AUH: variants seen among roughly 807,000 people sequenced by gnomAD.
AUH encodes the protein methylglutaconyl-CoA hydratase, mitochondrial.
In AUH, 29 loss-of-function variants were observed where a neutral mutation model predicts 42.3. The ratio of observed to expected loss-of-function variants is 0.69; its 90% CI spans 0.51 to 0.93. The LOEUF is 0.93. AUH is among the 40% of genes least tolerant of loss of function. The pLI, the probability that AUH is intolerant of heterozygous loss-of-function variation, is 0.00. For synonymous variants in AUH, 174 were observed against 166.4 expected, an observed-to-expected ratio of 1.05 and a Z score of -0.35; for missense variants, 452 against 438.1, an observed-to-expected ratio of 1.03 and a Z score of -0.28.
Position 91,216,103 on chromosome 9 carries a change from C to T in AUH, c.898G>A (p.Asp300Asn), listed in dbSNP as rs746215620. Residue 300 changes from aspartate to asparagine, a missense_variant, in exon 9 of 10, where the codon GAT becomes AAT. Physicochemically the swap from Asp to Asn is conservative, Grantham distance 23 (BLOSUM62 1). Coordinates refer to ENST00000375731, the MANE Select transcript of AUH (RefSeq NM_001698.3). The part of the protein sequence containing the change: ...KLAINQGMEV[D>N]LVTGLAIEEA... Reference sequence around the variant, plus strand: ...TCTATGGCTAACCCTGTTACTAAATCGACCTGAGAATAAAAACATAATCCA... The same window carrying T: ...TCTATGGCTAACCCTGTTACTAAATTGACCTGAGAATAAAAACATAATCCA... 2.3e-5 allele frequency: 37 copies of T among 1,612,516 alleles called. No homozygotes were observed. In the East Asian group the frequency reaches 3.6e-4, roughly 16 times the overall value.
At chr9:91,341,854 A>C (rs1231965344) in intron 3 of AUH, among the ~76,000 whole-genome samples, 1 of 152,224 alleles carries the variant, frequency 6.6e-6, no homozygotes, top group Non-Finnish European at 1.5e-5. Context: ...GGAAGCAGGG[A>C]GACCTGCTTT....
At chr9:91,337,361 T>C (rs117646285) in intron 3 of AUH, among the ~76,000 whole-genome samples, 4,079 of 152,316 alleles carry the variant, frequency 0.027, 77 homozygotes, top group South Asian at 0.072. Context: ...TATTTCCTGA[T>C]GGCAGCCTTT....
rs780463864 is a variant in AUH, at chr9:91,220,788, C to T, written c.843+17G>A. ...TTCCTAAAATGAGAAAAAATAAACT[C>T]ATTTAATGAGAAATACCTGAGGTAA... On this transcript the variant is annotated intron_variant, in intron 7 of 9. Transcript: ENST00000375731. 5 of 1,613,322 alleles carry T rather than the reference C, an allele frequency of 3.1e-6. No individual in the cohort carries two copies. The highest frequency in any genetic ancestry group is 1.3e-5 in the African/African-American group (1 of 74,932).
intron 6 of AUH, among the ~76,000 whole-genome samples, chr9:91,227,893 G>A (rs1357475629): frequency 1.3e-5 from 2 of 151,534 alleles, no homozygotes; most frequent in Admixed American, 6.6e-5. Context: ...TTGCATCCCA[G>A]GGATGAAGCC....
At chr9:91,281,607 C>T (rs986563222) in intron 6 of AUH, among the ~76,000 whole-genome samples, 3 of 152,206 alleles carry the variant, frequency 2.0e-5, no homozygotes, top group Admixed American at 1.3e-4. Flanking sequence ...TTGATTGTCA[C>T]TTCCCAACTT....
In AUH at chr9:91,254,934, AT is replaced by A. The variant is rs1829329859; in HGVS notation, c.656-33943del. The stretch of plus-strand genomic sequence containing the variant: ...TGACATAAAACTAAGAGACAATGGA[AT>A]AATTCCTACCCCAGGACCTGGTATA... On this transcript the variant is annotated intron_variant, in intron 6 of 9. Coordinates refer to ENST00000375731, the MANE Select transcript of AUH (RefSeq NM_001698.3). Among the ~76,000 whole-genome samples the A allele has an allele frequency of 5.3e-5, 8 of 152,340 alleles. No individual in the cohort carries two copies. In the South Asian group the frequency reaches 1.4e-3, roughly 28 times the overall value.
At chr9:91,311,814 T>A (rs945132852) in intron 4 of AUH, among the ~76,000 whole-genome samples, 1 of 152,208 alleles carries the variant, frequency 6.6e-6, no homozygotes, top group East Asian at 1.9e-4. Context: ...AAACAACAGC[T>A]GTTAATAGAT....
At chr9:91,256,747 G>A (rs1829424092) in intron 6 of AUH, among the ~76,000 whole-genome samples, 1 of 152,026 alleles carries the variant, frequency 6.6e-6, no homozygotes, top group South Asian at 2.1e-4. Flanking sequence ...GGAGTGGGTA[G>A]GGAGGAGAAC....
intron 3 of AUH, among the ~76,000 whole-genome samples, chr9:91,345,494 C>G (rs971523529): frequency 1.3e-5 from 2 of 152,084 alleles, no homozygotes; most frequent in Non-Finnish European, 2.9e-5. Flanking sequence ...CCAAACATGT[C>G]TAAGACCTGA....
chr9:91,300,723 C>T (rs1827718683), intron 4 of AUH, among the ~76,000 whole-genome samples: 1 of 152,210 alleles, frequency 6.6e-6, no homozygotes, highest in African/African-American at 2.4e-5. Context: ...TGCACACCTG[C>T]CTAATCTCTT....
At chr9:91,233,426 C>A (rs566135903) in intron 6 of AUH, among the ~76,000 whole-genome samples, 1 of 152,218 alleles carries the variant, frequency 6.6e-6, no homozygotes, top group African/African-American at 2.4e-5. Context: ...CCAAAAGGAC[C>A]TGGGGTTTAC....
At chr9:91,259,932 A>AGGTGTAT (rs1829621390) in intron 6 of AUH, among the ~76,000 whole-genome samples, 2 of 152,172 alleles carry the variant, frequency 1.3e-5, no homozygotes, top group African/African-American at 4.8e-5. Context: ...GTTTCCTAAT[A>AGGTGTAT]CACCTAAAGT....
intron 6 of AUH, among the ~76,000 whole-genome samples, chr9:91,230,883 G>A (rs1320467974): frequency 6.6e-6 from 1 of 152,194 alleles, no homozygotes; most frequent in African/African-American, 2.4e-5. Flanking sequence ...AGGGGTCACG[G>A]ACCCACTTGA....
chr9:91,324,537 T>A (rs1182038462), intron 4 of AUH, among the ~76,000 whole-genome samples: 50 of 111,736 alleles, frequency 4.5e-4, no homozygotes, highest in East Asian at 2.2e-3. Context: ...AAAAAAAAAC[T>A]AAAACCAAAT....
chr9:91,216,155 G>A (rs1826807571), intron 8 of AUH, 49 bp from the exon 9 acceptor site: 1 of 1,543,002 alleles, frequency 6.5e-7, no homozygotes. Context: ...TTTGCGAAAT[G>A]TGGTATATTC....
chr9:91,338,019 C>G (rs536653706), intron 3 of AUH, among the ~76,000 whole-genome samples: 2 of 152,256 alleles, frequency 1.3e-5, no homozygotes, highest in East Asian at 1.9e-4. Context: ...CATCCAGAAC[C>G]TGCACCCACC....
intron 3 of AUH, among the ~76,000 whole-genome samples, chr9:91,328,631 G>A (rs898127687): frequency 5.9e-5 from 9 of 152,086 alleles, no homozygotes; most frequent in Admixed American, 3.9e-4. Context: ...CCAAGATCTC[G>A]GAGAAAAAGG....
chr9:91,324,462 C>T (rs1829818880), intron 4 of AUH, among the ~76,000 whole-genome samples: 1 of 149,448 alleles, frequency 6.7e-6, no homozygotes, highest in African/African-American at 2.5e-5. Flanking sequence ...ATTATCATGC[C>T]ACTGCATTCC....
At chr9:91,332,678 G>A (rs1830416967) in intron 3 of AUH, among the ~76,000 whole-genome samples, 3 of 152,114 alleles carry the variant, frequency 2.0e-5, no homozygotes, top group Non-Finnish European at 2.9e-5. Flanking sequence ...ACACTTCAAG[G>A]GAAAGGCAAA....
Sources: gnomAD v4.1 joint callset for allele counts (sites outside exome capture counted in the v4.1 genomes callset) on GRCh38, gnomAD v4.1.1 for gene constraint, MANE v1.5 for transcripts, NCBI Gene and HGNC (gene_info 2026-07-23, HGNC 2026-07-21) for gene names.